TYR: variants seen among roughly 807,000 people sequenced by gnomAD.
TYR encodes the protein tyrosinase.
TYR carries 58 observed loss-of-function variants against 51.5 expected under a neutral mutation model. That is an observed-to-expected ratio of 1.13 (90% CI 0.91 to 1.40). The LOEUF is 1.40. Among genes scored for constraint, TYR ranks in the 40% most tolerant of loss-of-function variants. The pLI, the probability that TYR is intolerant of heterozygous loss-of-function variation, is 0.00. For missense variants in TYR, 732 were observed against 647.4 expected (o/e 1.13, Z -1.42); for synonymous variants, 263 against 235.2 (o/e 1.12, Z -1.08).
intron 3 of TYR, among the ~76,000 whole-genome samples, chr11:89,242,864 G>T (rs1391961022): frequency 1.3e-5 from 2 of 152,138 alleles, no homozygotes; most frequent in East Asian, 1.9e-4. Context: ...TCTCTATAAA[G>T]AGTAGGGAGC....
At chr11:89,232,521 G>A (rs1944063695) in intron 3 of TYR, among the ~76,000 whole-genome samples, 1 of 142,120 alleles carries the variant, frequency 7.0e-6, no homozygotes, top group Non-Finnish European at 1.5e-5. Flanking sequence ...ATAAAGATGG[G>A]AGCCATAGAT....
intron 1 of TYR, among the ~76,000 whole-genome samples, chr11:89,184,581 G>A (rs534156523): frequency 9.2e-5 from 14 of 152,202 alleles, no homozygotes; most frequent in Non-Finnish European, 1.8e-4. Context: ...AACAGTTCTA[G>A]TTCTCAATTA....
chr11:89,282,592 T>TAA lies in TYR; in HGVS notation c.1185-2180_1185-2179insAA, dbSNP rs551722308. ...ACATAACAAACAAGTACTGCTTTTG[T>TAA]AGAGAAGAAAACCATAAAAGTTAAA... On this transcript the variant is annotated intron_variant, in intron 3 of 4. Transcript: ENST00000263321. 1.1e-3 allele frequency among the ~76,000 whole-genome samples: 160 copies of TAA among 151,900 alleles called. 1 individual carries two copies. Among genetic ancestry groups the TAA allele is most frequent in the African/African-American group, 3.7e-3 (153 of 41,496 alleles).
At chr11:89,213,482 G>A (rs868790955) in intron 2 of TYR, among the ~76,000 whole-genome samples, 1 of 152,126 alleles carries the variant, frequency 6.6e-6, no homozygotes. Flanking sequence ...TGGATAGGAA[G>A]AATCAATATT....
At chr11:89,291,739 C>G (rs1470218314) in intron 4 of TYR, among the ~76,000 whole-genome samples, 1 of 151,882 alleles carries the variant, frequency 6.6e-6, no homozygotes, top group African/African-American at 2.4e-5. Flanking sequence ...CTACTGTAAC[C>G]CTTTTACCTA....
chr11:89,253,976 T>C (rs969111101), intron 3 of TYR, among the ~76,000 whole-genome samples: 11 of 151,762 alleles, frequency 7.2e-5, no homozygotes, highest in African/African-American at 2.7e-4. Flanking sequence ...TAGATAGGCT[T>C]TTATTACATT....
chr11:89,239,165 CT>C (rs1944159860), intron 3 of TYR, among the ~76,000 whole-genome samples: 1 of 152,118 alleles, frequency 6.6e-6, no homozygotes, highest in East Asian at 1.9e-4. Context: ...TGTATTAGTT[CT>C]TTAAATGTTG....
At chr11:89,218,217 A>C in intron 2 of TYR, among the ~76,000 whole-genome samples, 1 of 152,346 alleles carries the variant, frequency 6.6e-6, no homozygotes. Context: ...GGAATCTTCA[A>C]AAAAGTTAGC....
chr11:89,200,028 T>C (rs1416977022), intron 2 of TYR, among the ~76,000 whole-genome samples: 1 of 152,178 alleles, frequency 6.6e-6, no homozygotes, highest in African/African-American at 2.4e-5. Flanking sequence ...ACATTAGCAA[T>C]ACATATTGCA....
At chr11:89,279,297 T>C (rs574970154) in intron 3 of TYR, among the ~76,000 whole-genome samples, 26 of 151,730 alleles carry the variant, frequency 1.7e-4, no homozygotes, top group Non-Finnish European at 3.2e-4. Context: ...CCTTTCTTTG[T>C]AGCAGCTGGC....
At chr11:89,273,348 A>G (rs1590893293) in intron 3 of TYR, among the ~76,000 whole-genome samples, 1 of 151,906 alleles carries the variant, frequency 6.6e-6, no homozygotes, top group East Asian at 1.9e-4. Flanking sequence ...GGAGGCCTGA[A>G]GAGAGGGAGG....
intron 2 of TYR, among the ~76,000 whole-genome samples, chr11:89,219,949 C>T (rs1180157786): frequency 6.6e-6 from 1 of 152,106 alleles, no homozygotes; most frequent in Non-Finnish European, 1.5e-5. Context: ...ATCATAACTG[C>T]AACAGAACAT....
chr11:89,253,492 T>C (rs761431055), intron 3 of TYR, among the ~76,000 whole-genome samples: 2 of 151,854 alleles, frequency 1.3e-5, no homozygotes, highest in Non-Finnish European at 2.9e-5. Context: ...CTATGATTTC[T>C]TTCATCAGTG....
At chr11:89,254,858 G>A (rs886849500) in intron 3 of TYR, among the ~76,000 whole-genome samples, 1 of 151,512 alleles carries the variant, frequency 6.6e-6, no homozygotes, top group Admixed American at 6.6e-5. Flanking sequence ...CTTTTGCTGG[G>A]TTTGGGTTTG....
chr11:89,271,136 C>T (rs188916839), intron 3 of TYR, among the ~76,000 whole-genome samples: 61 of 151,878 alleles, frequency 4.0e-4, no homozygotes, highest in African/African-American at 1.3e-3. Flanking sequence ...ATTTTAATAA[C>T]AATAATAATA....
chr11:89,209,874 C>T (rs1943728872), intron 2 of TYR, among the ~76,000 whole-genome samples: 1 of 152,154 alleles, frequency 6.6e-6, no homozygotes, highest in Admixed American at 6.5e-5. Context: ...AGCTCAGGGG[C>T]CTGTCTGTTA....
At chr11:89,209,398 C>T (rs1297168357) in intron 2 of TYR, among the ~76,000 whole-genome samples, 1 of 152,144 alleles carries the variant, frequency 6.6e-6, no homozygotes, top group Non-Finnish European at 1.5e-5. Flanking sequence ...GGGGCATCCA[C>T]CATTGCTGAG....
chr11:89,235,200 AGAACACG>A (rs950213468), intron 3 of TYR, among the ~76,000 whole-genome samples: 1 of 152,170 alleles, frequency 6.6e-6, no homozygotes, highest in Non-Finnish European at 1.5e-5. Context: ...GAGGGTGTGG[AGAACACG>A]GAACACATGC....
rs1048689174 is a variant in TYR, at chr11:89,178,170, G to T, written c.217G>T (p.Gly73Trp). Residue 73 changes from glycine (G) to tryptophan (W), a missense_variant, in exon 1 of 5, where the codon GGG (glycine) becomes TGG (tryptophan). Gly to Trp is a radical substitution (Grantham distance 184). Transcript: ENST00000263321. Reference sequence around the variant, plus strand: ...ACTTGGGCCTCAATTTCCCTTCACAGGGGTGGATGACCGGGAGTCGTGGCC... The same window carrying T: ...ACTTGGGCCTCAATTTCCCTTCACATGGGTGGATGACCGGGAGTCGTGGCC... ...APLGPQFPFT[G>W]VDDRESWPSV... 1 of 1,614,208 alleles carries T rather than the reference G, an allele frequency of 6.2e-7. No homozygotes were observed. Among genetic ancestry groups the T allele is most frequent in the Non-Finnish European group, 8.5e-7 (1 of 1,180,044 alleles).
Sources: allele counts gnomAD v4.1 joint callset (sites outside exome capture counted in the v4.1 genomes callset), GRCh38; gene constraint gnomAD v4.1.1; transcripts MANE v1.5; gene names NCBI Gene and HGNC (gene_info 2026-07-23, HGNC 2026-07-21).